LRRC53: variants seen among roughly 807,000 people sequenced by gnomAD.
LRRC53 encodes the protein leucine rich repeat containing 53, also known as leucine-rich repeat-containing protein 53.
Under a neutral mutation model 13.6 loss-of-function variants are expected in LRRC53, and 25 were observed. The ratio of observed to expected loss-of-function variants is 1.83; its 90% CI spans 1.34 to 2.56. The LOEUF (loss-of-function observed/expected upper bound fraction) is 2.56, where lower values mean the gene tolerates loss of function less well. Among genes scored for constraint, LRRC53 ranks in the 30% most tolerant of loss-of-function variants. The probability of loss-of-function intolerance (pLI) is 0.00; values close to 1 mark genes in which losing one functional copy is unlikely to be tolerated. For missense variants in LRRC53, 527 were observed against 275.8 expected (o/e 1.91, Z -6.45); for synonymous variants, 204 against 109.8 (o/e 1.86, Z -5.37).
intron 1 of LRRC53, among the ~76,000 whole-genome samples, chr1:74,511,209 C>T (rs546133335): frequency 8.5e-4 from 117 of 136,878 alleles, no homozygotes; most frequent in African/African-American, 3.2e-3. Flanking sequence ...TTTTTTTTTC[C>T]GAGATGGAAT....
chr1:74,515,649 C>A (rs1646338440), upstream of LRRC53, among the ~76,000 whole-genome samples: 4 of 152,056 alleles, frequency 2.6e-5, no homozygotes. Flanking sequence ...TGTAGTCAAA[C>A]TAAGGGGATC....
At chr1:74,500,767 T>C (rs1669584184) in intron 1 of LRRC53, among the ~76,000 whole-genome samples, 1 of 151,932 alleles carries the variant, frequency 6.6e-6, no homozygotes, top group Admixed American at 6.6e-5. Context: ...GTTACTTTTT[T>C]CCCTGCACCT....
chr1:74,533,941 C>T, the LRRC53 span, among the ~76,000 whole-genome samples: 1 of 152,126 alleles, frequency 6.6e-6, no homozygotes, highest in Admixed American at 6.6e-5. Context: ...AACTTTTGTT[C>T]AAGTTCAGTT....
chr1:74,483,746 A>C (rs1180895178), intron 1 of LRRC53, among the ~76,000 whole-genome samples: 2 of 152,204 alleles, frequency 1.3e-5, no homozygotes, highest in African/African-American at 4.8e-5. Flanking sequence ...TGGTTAGCAA[A>C]CCATCCTAAA....
At chr1:74,534,928 C>G in the LRRC53 span, among the ~76,000 whole-genome samples, 2 of 152,266 alleles carry the variant, frequency 1.3e-5, no homozygotes, top group Admixed American at 6.5e-5. Context: ...AGGCATATAG[C>G]ACGTTTCAGT....
At chr1:74,523,225 T>C in the LRRC53 span, among the ~76,000 whole-genome samples, 1 of 152,220 alleles carries the variant, frequency 6.6e-6, no homozygotes. Context: ...AGGAATTGTA[T>C]GTGAAATAAA....
At chr1:74,490,361 C>T (rs762253036) in intron 1 of LRRC53, among the ~76,000 whole-genome samples, 1 of 152,126 alleles carries the variant, frequency 6.6e-6, no homozygotes, top group Non-Finnish European at 1.5e-5. Context: ...ACCTTCAAGA[C>T]TTGAATTTAA....
At chr1:74,476,189 A>G (rs1307078765) in intron 3 of LRRC53, among the ~76,000 whole-genome samples, 2 of 152,096 alleles carry the variant, frequency 1.3e-5, no homozygotes, top group Non-Finnish European at 2.9e-5. Flanking sequence ...CTAATCTCAG[A>G]CTGCCTGGTA....
chr1:74,510,288 C>T (rs575067662), intron 1 of LRRC53, among the ~76,000 whole-genome samples: 14 of 152,092 alleles, frequency 9.2e-5, no homozygotes, highest in African/African-American at 3.1e-4. Flanking sequence ...GGGCAGATCA[C>T]GAGGTCAGGA....
chr1:74,526,469 C>T, the LRRC53 span, among the ~76,000 whole-genome samples: 1 of 152,062 alleles, frequency 6.6e-6, no homozygotes, highest in East Asian at 1.9e-4. Flanking sequence ...TTCTACGGTT[C>T]TTATAACCTG....
At chr1:74,499,157 A>G (rs370568721) in intron 1 of LRRC53, among the ~76,000 whole-genome samples, 2 of 152,282 alleles carry the variant, frequency 1.3e-5, no homozygotes, top group South Asian at 2.1e-4. Context: ...CCTTGAACTC[A>G]GGGTCTTTAC....
the LRRC53 span, among the ~76,000 whole-genome samples, chr1:74,534,204 A>G: frequency 8.7e-6 from 1 of 115,534 alleles, no homozygotes; most frequent in African/African-American, 4.0e-5. Context: ...AATTCTCTGT[A>G]ATTGTTTTAA....
intron 1 of LRRC53, among the ~76,000 whole-genome samples, chr1:74,491,507 T>C (rs1669074405): frequency 6.6e-6 from 1 of 152,314 alleles, no homozygotes; most frequent in South Asian, 2.1e-4. Flanking sequence ...CCCAAAGTGC[T>C]GGGATTACAG....
chr1:74,511,000 G>A (rs1470512426), intron 1 of LRRC53, among the ~76,000 whole-genome samples: 2 of 151,996 alleles, frequency 1.3e-5, no homozygotes, highest in Non-Finnish European at 2.9e-5. Context: ...TGATTCTCCT[G>A]CCTCAGCCTC....
At chr1:74,486,909 C>T (rs1292573130) in intron 1 of LRRC53, among the ~76,000 whole-genome samples, 4 of 151,976 alleles carry the variant, frequency 2.6e-5, no homozygotes, top group African/African-American at 9.7e-5. Flanking sequence ...GTGAAATGAC[C>T]ACTGAGATGT....
intron 1 of LRRC53, among the ~76,000 whole-genome samples, chr1:74,500,724 G>A (rs1669581027): frequency 7.0e-6 from 1 of 141,868 alleles, no homozygotes; most frequent in Admixed American, 7.2e-5. Context: ...TCTTTTTTAA[G>A]ATATTTAGTA....
In LRRC53 at chr1:74,471,124, G is replaced by A. The variant is rs148230061; in HGVS notation, c.2498C>T (p.Pro833Leu). 1 of 400,782 alleles carries A rather than the reference G, an allele frequency of 2.5e-6. No individual in the cohort carries two copies. Among genetic ancestry groups the A allele is most frequent in the African/African-American group, 2.0e-5 (1 of 48,820 alleles). 24.8% of individuals were successfully genotyped at this position (400,782 alleles called of 1,614,324 possible). The change falls in exon 5 of 5, where the codon CCT becomes CTT. Residue 833 changes from proline (P) to leucine (L), a missense_variant. Transcript: ENST00000294635. ...GGGCAATTTTGATGTGTTTCCATCA[G>A]GAATGTGGCCAGCTGAGTAACAGCT... ...ESSCYSAGHI[P>L]DGNTSKLPQP...
chr1:74,475,148 A>C (rs1458569479), intron 4 of LRRC53, 147 bp downstream of exon 4: 4 of 549,096 alleles, frequency 7.3e-6, no homozygotes, highest in Non-Finnish European at 9.6e-6. Flanking sequence ...ACACACACAC[A>C]CACACACACA....
intron 4 of LRRC53, among the ~76,000 whole-genome samples, 165 bp downstream of exon 4, chr1:74,475,116 CCACACACACACACA>C (rs3058791): frequency 2.4e-4 from 32 of 135,992 alleles, no homozygotes; most frequent in South Asian, 1.0e-3. Flanking sequence ...CCACCTCAGC[CCACACACACACACA>C]CACACACACA....
Sources: allele counts gnomAD v4.1 joint callset (sites outside exome capture counted in the v4.1 genomes callset), GRCh38; gene constraint gnomAD v4.1.1; transcripts MANE v1.5; gene names NCBI Gene and HGNC (gene_info 2026-07-23, HGNC 2026-07-21).